Variants in USP4 observed in about 807,000 individuals in gnomAD.
USP4 encodes ubiquitin specific peptidase 4.
Under a neutral mutation model 118.2 loss-of-function variants are expected in USP4, and 72 were observed. The observed-to-expected ratio is 0.61, with a 90% CI of 0.50 to 0.74. The LOEUF is 0.74. Among genes scored for constraint, USP4 ranks in the 30% least tolerant of loss-of-function variants. The pLI, the probability that USP4 is intolerant of heterozygous loss-of-function variation, is 0.00. For synonymous variants in USP4, 415 were observed against 440.4 expected (o/e 0.94, Z 0.72); for missense variants, 1,037 against 1,185.7 (o/e 0.87, Z 1.84).
At position 49,324,729 on chromosome 3, in the gene USP4, G is replaced by C; in HGVS notation, c.668C>G (p.Thr223Arg). The change falls in exon 6 of 22, where the codon ACA (threonine) becomes AGA (arginine). Residue 223 changes from threonine (T) to arginine (R), a missense_variant. By Grantham distance (71) the Thr-to-Arg change is moderately conservative (BLOSUM62 -1). Coordinates refer to ENST00000265560, the MANE Select transcript of USP4 (RefSeq NM_003363.4). The stretch of plus-strand genomic sequence containing the variant: ...TGACTGCAAGGTCTGCCTGGGCCAT[G>C]TGCCATCTTCATTTTGAGGCTCAAT... ...LVIEPQNEDG[T>R]WPRQTLQSKS... The C allele has an allele frequency of 6.2e-7, 1 of 1,614,218 alleles. No homozygotes were observed. Among genetic ancestry groups the C allele is most frequent in the Non-Finnish European group, 8.5e-7 (1 of 1,180,020 alleles).
intron 11 of USP4, among the ~76,000 whole-genome samples, chr3:49,299,931 G>A (rs1384511005): frequency 9.2e-5 from 14 of 152,164 alleles, no homozygotes; most frequent in East Asian, 1.9e-4. Flanking sequence ...TACTTTAGTC[G>A]CGTGAATGAA....
At chr3:49,301,545 G>A (rs1203404134) in intron 10 of USP4, among the ~76,000 whole-genome samples, 1 of 152,028 alleles carries the variant, frequency 6.6e-6, no homozygotes, top group Non-Finnish European at 1.5e-5. Flanking sequence ...AAAATTTGCT[G>A]GGCATGGTGG....
intron 8 of USP4, among the ~76,000 whole-genome samples, chr3:49,309,420 G>C (rs1340541206): frequency 5.3e-5 from 8 of 151,816 alleles, no homozygotes; most frequent in African/African-American, 1.9e-4. Flanking sequence ...TAATAAACAA[G>C]GTTTATTTTC....
At chr3:49,326,152 A>G (rs2047552002) in intron 3 of USP4, among the ~76,000 whole-genome samples, 1 of 152,020 alleles carries the variant, frequency 6.6e-6, no homozygotes, top group Non-Finnish European at 1.5e-5. Context: ...CCCCATTTCT[A>G]TGAAAAATAC....
At chr3:49,321,466 T>C (rs542514669) in intron 6 of USP4, among the ~76,000 whole-genome samples, 1 of 152,102 alleles carries the variant, frequency 6.6e-6, no homozygotes, top group Non-Finnish European at 1.5e-5. Flanking sequence ...TAAACCTTGA[T>C]TATTATTGTA....
Position 49,278,114 on chromosome 3 carries a change from A to T in USP4, c.*179T>A. The T allele has an allele frequency of 1.4e-6, 1 of 694,350 alleles. No homozygotes were observed. 43.0% of individuals were successfully genotyped at this position (694,350 alleles called of 1,614,324 possible). ...AAAATAAAAATAATTCAGCCTCTTG[A>T]CATAGCTTCTTCTAGGTAAACGGTC... On this transcript the variant is annotated 3_prime_UTR_variant, in exon 22 of 22. Transcript: ENST00000265560.
In USP4 at chr3:49,321,027, C is replaced by A. The variant is rs528071625; in HGVS notation, c.695+3675G>T. On this transcript the variant is annotated intron_variant, in intron 6 of 21. Coordinates refer to ENST00000265560, the MANE Select transcript of USP4 (RefSeq NM_003363.4). ...ACAAAGGAGGTTTGATGTATGATAT[C>A]TGAGAAATGTCCTAAAAAGGAAGGG... 7.2e-5 allele frequency among the ~76,000 whole-genome samples: 11 copies of A among 152,262 alleles called. No individual in the cohort carries two copies. The East Asian group carries it at 1.7e-3, about 24-fold the overall frequency.
At position 49,292,326 on chromosome 3, in the gene USP4, C is replaced by T. The variant is rs537489319; in HGVS notation, c.1972+184G>A. Among the ~76,000 whole-genome samples the T allele has an allele frequency of 2.8e-3, 417 of 151,340 alleles. 1 individual carries two copies. The highest frequency in any genetic ancestry group is 5.1e-3 in the Non-Finnish European group (345 of 67,860). ...AAAAAAGGAAGATTCCACAAGGTAG[C>T]AAAGTTGGACAACAGGCACTGGCAG... On this transcript the variant is annotated intron_variant, in intron 15 of 21. Transcript: ENST00000265560.
At chr3:49,329,567 A>C (rs1349857106) in intron 2 of USP4, among the ~76,000 whole-genome samples, 3 of 151,988 alleles carry the variant, frequency 2.0e-5, no homozygotes, top group African/African-American at 7.3e-5. Context: ...GGCCTAGCTA[A>C]TTTTCGTATT....
chr3:49,283,008 C>CTTTTTT (rs71077783), intron 19 of USP4, among the ~76,000 whole-genome samples: 1 of 78,264 alleles, frequency 1.3e-5, no homozygotes, highest in Non-Finnish European at 2.5e-5. Flanking sequence ...GTGCCGGCCT[C>CTTTTTT]TTTTTTTTTT....
chr3:49,299,158 T>C (rs1348440790), intron 11 of USP4, among the ~76,000 whole-genome samples: 2 of 152,232 alleles, frequency 1.3e-5, no homozygotes, highest in Non-Finnish European at 2.9e-5. Flanking sequence ...GACGCGATCT[T>C]GGCTCACTGC....
chr3:49,310,510 CAAGGG>C, intron 8 of USP4, 105 bp downstream of exon 8: 1 of 904,304 alleles, frequency 1.1e-6, no homozygotes, highest in Non-Finnish European at 1.8e-6. Context: ...GAAGCACCAA[CAAGGG>C]GTAGGCAGGG....
intron 8 of USP4, 98 bp from the exon 9 acceptor site, chr3:49,305,986 A>G (rs2047310694): frequency 5.2e-5 from 64 of 1,233,518 alleles, no homozygotes; most frequent in Non-Finnish European, 6.3e-5. Context: ...GACAACGCCA[A>G]CAAAATGAGG....
intron 6 of USP4, among the ~76,000 whole-genome samples, chr3:49,316,190 G>A (rs372819458): frequency 2.2e-4 from 34 of 152,140 alleles, no homozygotes; most frequent in African/African-American, 7.7e-4. Context: ...AAATGAGAGC[G>A]AGACTTCATC....
intron 2 of USP4, among the ~76,000 whole-genome samples, chr3:49,330,827 G>A (rs1212242323): frequency 6.7e-6 from 1 of 150,256 alleles, no homozygotes; most frequent in Non-Finnish European, 1.5e-5. Context: ...TGGCCAACAT[G>A]GTGAAACCCC....
At position 49,300,651 on chromosome 3, in the gene USP4, T is replaced by C. The variant is rs201861490; in HGVS notation, c.1328A>G (p.Asn443Ser). The change falls in exon 11 of 22, where the codon AAT becomes AGT. Residue 443 changes from asparagine (N) to serine (S), a missense_variant. By Grantham distance (46) the Asn-to-Ser change is conservative. This residue lies in a region of USP4 where 28 missense variants were observed against 59.0 expected (regional missense o/e 0.47). Transcript: ENST00000265560. ...KEAWENHRLRNDSVIVDTFHG... is the reference protein window; with the variant it reads ...KEAWENHRLRSDSVIVDTFHG... ...GAAAGTATCCACAATCACAGAATCA[T>C]TCCTCAACCTGTGATTCTCCCAGGC... 6.8e-6 allele frequency: 11 copies of C among 1,614,052 alleles called. No individual in the cohort carries two copies. Among genetic ancestry groups the C allele is most frequent in the African/African-American group, 1.3e-5 (1 of 74,912 alleles).
chr3:49,284,330 G>T, intron 18 of USP4, 136 bp downstream of exon 18: 2 of 1,036,652 alleles, frequency 1.9e-6, no homozygotes, highest in Non-Finnish European at 2.9e-6. Context: ...AACTCACAGA[G>T]GATTATGTTG....
chr3:49,305,641 A>G (rs1393627757), intron 9 of USP4, 74 bp downstream of exon 9: 1 of 1,369,494 alleles, frequency 7.3e-7, no homozygotes, highest in Non-Finnish European at 9.7e-7. Context: ...AAAAACCTGA[A>G]GTCCCGAAAC....
intron 15 of USP4, among the ~76,000 whole-genome samples, chr3:49,290,218 C>A (rs1159989907): frequency 6.6e-6 from 1 of 152,078 alleles, no homozygotes; most frequent in Non-Finnish European, 1.5e-5. Flanking sequence ...AGTTCGAGAC[C>A]AGACTCGCCA....
Sources: gnomAD v4.1 joint callset for allele counts (sites outside exome capture counted in the v4.1 genomes callset) on GRCh38, gnomAD v4.1.1 for gene constraint, gnomAD v4.1.1 regional missense constraint, MANE v1.5 for transcripts, NCBI Gene and HGNC (gene_info 2026-07-23, HGNC 2026-07-21) for gene names.